WNT7B: variants seen among roughly 807,000 people sequenced by gnomAD.
WNT7B encodes Wnt family member 7B.
Under a neutral mutation model 38.2 loss-of-function variants are expected in WNT7B, and 19 were observed. That is an observed-to-expected ratio of 0.50 (90% CI 0.35 to 0.73). WNT7B has a LOEUF of 0.73. WNT7B is among the 30% of genes least tolerant of loss of function. WNT7B has a pLI of 0.01. For missense variants in WNT7B, 423 were observed against 507.9 expected (o/e 0.83, Z 1.61); for synonymous variants, 243 against 209.3 (o/e 1.16, Z -1.39).
chr22:45,952,820 T>A (rs1045295335), intron 1 of WNT7B, among the ~76,000 whole-genome samples: 1 of 152,150 alleles, frequency 6.6e-6, no homozygotes, highest in South Asian at 2.1e-4. Context: ...TCTGACCAAG[T>A]CCGTCTGCTC....
chr22:45,934,559 T>C (rs1931464317), intron 2 of WNT7B, among the ~76,000 whole-genome samples: 2 of 152,162 alleles, frequency 1.3e-5, no homozygotes, highest in Admixed American at 6.5e-5. Flanking sequence ...GACCCTCCTC[T>C]TCCTGCCCCA....
chr22:45,940,468 G>A (rs987555463), intron 2 of WNT7B, among the ~76,000 whole-genome samples: 7 of 152,124 alleles, frequency 4.6e-5, no homozygotes, highest in African/African-American at 1.7e-4. Context: ...ACACACGCGC[G>A]ACACTGCCTG....
At chr22:45,961,607 C>A (rs1321522556) in intron 1 of WNT7B, among the ~76,000 whole-genome samples, 1 of 116,928 alleles carries the variant, frequency 8.6e-6, no homozygotes, top group Non-Finnish European at 1.7e-5. Flanking sequence ...AGAGGAGGCA[C>A]AGGGAGCTGG....
At position 45,966,028 on chromosome 22, in the gene WNT7B, C is replaced by T. The variant is rs1030095616; in HGVS notation, c.71+10656G>A. Among the ~76,000 whole-genome samples, 1 of 152,172 alleles carries T rather than the reference C, an allele frequency of 6.6e-6. No homozygotes were observed. Among genetic ancestry groups the T allele is most frequent in the African/African-American group, 2.4e-5 (1 of 41,452 alleles). On this transcript the variant is annotated intron_variant, in intron 1 of 3. Coordinates refer to ENST00000339464, the MANE Select transcript of WNT7B (RefSeq NM_058238.3). This position sits in a 1 kb window ranked among gnomAD's most constrained non-coding sequence, Gnocchi z 4.2. ...GGCGAGTGACTCTGCACCCTGACCT[C>T]GTCTTCCTCACTCCACCACCTACCA...
chr22:45,927,304 C>A, intron 3 of WNT7B: 1 of 985,432 alleles, frequency 1.0e-6, no homozygotes, highest in Non-Finnish European at 1.2e-6. Context: ...CACCCCCGCC[C>A]CCCAGGGAGC....
Position 45,975,165 on chromosome 22 carries a change from G to A in WNT7B, c.71+1519C>T, listed in dbSNP as rs1835519244. 6.6e-6 allele frequency among the ~76,000 whole-genome samples: 1 copy of A among 152,122 alleles called. No individual in the cohort carries two copies. The highest frequency in any genetic ancestry group is 1.5e-5 in the Non-Finnish European group (1 of 68,008). ...AATCCTTGAATCCGGGAGAGTAAAA[G>A]CACCTAACTACTCTAGGGGTGCCAG... On this transcript the variant is annotated intron_variant, in intron 1 of 3. Coordinates refer to ENST00000339464, the MANE Select transcript of WNT7B (RefSeq NM_058238.3). This position sits in a 1 kb window ranked among gnomAD's most constrained non-coding sequence, Gnocchi z 6.6.
intron 1 of WNT7B, among the ~76,000 whole-genome samples, chr22:45,963,929 G>A (rs565381398): frequency 1.6e-4 from 24 of 152,192 alleles, no homozygotes; most frequent in Non-Finnish European, 2.6e-4. Context: ...ACAATGGGGC[G>A]CCAGGTGACC....
chr22:45,954,070 G>A (rs1306733658), intron 1 of WNT7B, among the ~76,000 whole-genome samples: 1 of 152,210 alleles, frequency 6.6e-6, no homozygotes, highest in African/African-American at 2.4e-5. Context: ...GGAACATTAT[G>A]TGGCCATAAA....
At chr22:45,958,000 C>G (rs113175808) in intron 1 of WNT7B, among the ~76,000 whole-genome samples, 2 of 152,234 alleles carry the variant, frequency 1.3e-5, no homozygotes, top group African/African-American at 4.8e-5. Flanking sequence ...TCCCACGCAG[C>G]GAGAAGGTTA....
At chr22:45,929,981 A>G (rs1409795517) in intron 3 of WNT7B, among the ~76,000 whole-genome samples, 1 of 55,248 alleles carries the variant, frequency 1.8e-5, no homozygotes, top group Non-Finnish European at 3.5e-5. Flanking sequence ...TCCATCCAAC[A>G]ATAACTTAAT....
At chr22:45,931,546 T>C (rs746655785) in intron 2 of WNT7B, among the ~76,000 whole-genome samples, 177 bp from the exon 3 acceptor site, 1 of 152,178 alleles carries the variant, frequency 6.6e-6, no homozygotes, top group Non-Finnish European at 1.5e-5. Flanking sequence ...GAGCCATCTC[T>C]CAGGGCTATG....
At chr22:45,964,927 G>C (rs1932278934) in intron 1 of WNT7B, among the ~76,000 whole-genome samples, 1 of 152,146 alleles carries the variant, frequency 6.6e-6, no homozygotes, top group African/African-American at 2.4e-5. Flanking sequence ...CCCGGGCCCT[G>C]CATCTGCAGC....
chr22:45,939,670 C>CAA (rs1931598892), intron 2 of WNT7B, among the ~76,000 whole-genome samples: 1 of 151,606 alleles, frequency 6.6e-6, no homozygotes, highest in Admixed American at 6.6e-5. Context: ...CACACACACA[C>CAA]AAAAATAGCC....
At chr22:45,941,601 C>T (rs1201803947) in intron 2 of WNT7B, among the ~76,000 whole-genome samples, 4 of 151,698 alleles carry the variant, frequency 2.6e-5, no homozygotes, top group African/African-American at 7.3e-5. Flanking sequence ...TACCAGGAAG[C>T]TGGACAGGAT....
At chr22:45,959,439 G>C (rs1932145398) in intron 1 of WNT7B, among the ~76,000 whole-genome samples, 1 of 152,168 alleles carries the variant, frequency 6.6e-6, no homozygotes, top group African/African-American at 2.4e-5. Flanking sequence ...TCGCCCTCGA[G>C]AGGGCACAGC....
At chr22:45,941,356 C>T (rs767031885) in intron 2 of WNT7B, among the ~76,000 whole-genome samples, 1 of 152,052 alleles carries the variant, frequency 6.6e-6, no homozygotes, top group Non-Finnish European at 1.5e-5. Context: ...CTAAAAATTA[C>T]AAAAATTAGT....
chr22:45,928,821 C>A (rs1411955934), intron 3 of WNT7B, among the ~76,000 whole-genome samples: 2 of 152,080 alleles, frequency 1.3e-5, no homozygotes, highest in Non-Finnish European at 2.9e-5. Context: ...ACCAACACCA[C>A]CCTACCCGGC....
intron 1 of WNT7B, among the ~76,000 whole-genome samples, chr22:45,968,345 T>A (rs966583535): frequency 9.2e-5 from 14 of 152,152 alleles, no homozygotes; most frequent in Non-Finnish European, 1.5e-5. Context: ...GCCTGTCTCC[T>A]GCACACCGAC....
chr22:45,935,734 C>T lies in WNT7B; in HGVS notation c.299-4365G>A, dbSNP rs1931498724. ...CACCTCCCCCACACCACCTTATCTCCAAGACAGCCCCATTCTGATCAGACC... is the reference window on the plus strand; with the variant it reads ...CACCTCCCCCACACCACCTTATCTCTAAGACAGCCCCATTCTGATCAGACC... On this transcript the variant is annotated intron_variant, in intron 2 of 3. Transcript: ENST00000339464. 3.4e-6 allele frequency: 3 copies of T among 881,572 alleles called. No individual in the cohort carries two copies. In the South Asian group the frequency reaches 1.6e-4, roughly 46 times the overall value. The allele number at this position is 881,572 out of a possible 1,614,324, so 54.6% of individuals were successfully genotyped here. A position where few individuals can be genotyped will look rare whatever the true frequency, so the allele number is the denominator to read the frequency against.
Sources: gnomAD v4.1 joint callset for allele counts (sites outside exome capture counted in the v4.1 genomes callset) on GRCh38, gnomAD v4.1.1 for gene constraint, Gnocchi (gnomAD v3.1) non-coding constraint, MANE v1.5 for transcripts, NCBI Gene and HGNC (gene_info 2026-07-23, HGNC 2026-07-21) for gene names.